SLC12A7: variants seen among roughly 807,000 people sequenced by gnomAD.
SLC12A7 encodes the protein K-Cl cotransporter 4.
In SLC12A7, 100 loss-of-function variants were observed where a neutral mutation model predicts 120.6. The ratio of observed to expected loss-of-function variants is 0.83; its 90% CI spans 0.71 to 0.98. SLC12A7 has a LOEUF of 0.98. SLC12A7 is among the 50% of genes least tolerant of loss of function. The pLI, the probability that SLC12A7 is intolerant of heterozygous loss-of-function variation, is 0.00. For synonymous variants in SLC12A7, 760 were observed against 678.0 expected, an observed-to-expected ratio of 1.12 and a Z score of -1.88; for missense variants, 1,373 against 1,548.1, an observed-to-expected ratio of 0.89 and a Z score of 1.90.
rs553360051 is a variant in SLC12A7 at position 1,052,366 on chromosome 5, G to A, written c.3246C>T (p.Tyr1082=). 2 of 1,612,464 alleles carry A rather than the reference G, an allele frequency of 1.2e-6. No homozygotes were observed. Among genetic ancestry groups the A allele is most frequent in the East Asian group, 2.2e-5 (1 of 44,874 alleles). The change falls in exon 24 of 24, where the codon TAC becomes TAT. Residue 1082 remains tyrosine (Y), a synonymous_variant. Transcript: ENST00000264930. ...RGGGREVITI[Y]S is the part of the protein sequence containing the mutation. ...GCCGTGATGCTGTTGGGCATTAGGAGTAGATGGTGATCACCTCCCGGCCGC... is the reference window on the plus strand; with the variant it reads ...GCCGTGATGCTGTTGGGCATTAGGAATAGATGGTGATCACCTCCCGGCCGC...
At chr5:1,073,922 A>C in intron 16 of SLC12A7, 121 bp from the exon 17 acceptor site, 2 of 979,538 alleles carry the variant, frequency 2.0e-6, no homozygotes, top group African/African-American at 1.7e-5. Flanking sequence ...GATACATGAC[A>C]GGCGGGACAG....
rs375730360 is a variant in SLC12A7 at position 1,090,626 on chromosome 5, C to A, written c.343-1498G>T. On this transcript the variant is annotated intron_variant, in intron 3 of 23. Coordinates refer to ENST00000264930, the MANE Select transcript of SLC12A7 (RefSeq NM_006598.3). ...GACAATTGTTGCTGTGACTTCCCAG[C>A]GAGGCTTCAGCTAACGCAGGAGCCG... is the stretch of plus-strand genomic sequence containing the variant. 1.1e-3 allele frequency among the ~76,000 whole-genome samples: 165 copies of A among 152,284 alleles called. 1 individual carries two copies. In the East Asian group the frequency reaches 0.011, roughly 10 times the overall value.
the SLC12A7 span, among the ~76,000 whole-genome samples, chr5:1,151,510 G>GC: frequency 6.6e-6 from 1 of 152,006 alleles, no homozygotes; most frequent in Non-Finnish European, 1.5e-5. This position sits in a 1 kb window ranked among gnomAD's most constrained non-coding sequence, Gnocchi z 6.2. Context: ...GGCTCTGATG[G>GC]CCCCACCAGC....
chr5:1,053,297 A>C lies in SLC12A7; in HGVS notation c.3160+52T>G, dbSNP rs1161197694. 4 of 1,583,602 alleles carry C rather than the reference A, an allele frequency of 2.5e-6. No individual in the cohort carries two copies. The East Asian group carries it at 9.0e-5, about 35-fold the overall frequency. On this transcript the variant is annotated intron_variant, in intron 23 of 23. Coordinates refer to ENST00000264930, the MANE Select transcript of SLC12A7 (RefSeq NM_006598.3). The stretch of plus-strand genomic sequence containing the variant: ...CCCACAAACCCAGGTCTTAGCGAGA[A>C]GCCACCAGGGGGTGCCCGCACGCTC...
At chr5:1,095,515 G>A (rs1193316993) in intron 1 of SLC12A7, among the ~76,000 whole-genome samples, 11 of 152,314 alleles carry the variant, frequency 7.2e-5, no homozygotes, top group Admixed American at 4.6e-4. Context: ...CGACCAAGCC[G>A]GGACCCTTCC....
At chr5:1,081,793 G>C in intron 8 of SLC12A7, 49 bp from the exon 9 acceptor site, 1 of 1,565,984 alleles carries the variant, frequency 6.4e-7, no homozygotes, top group Non-Finnish European at 8.7e-7. Context: ...TCTGTGCAGT[G>C]CCCCCGCCAT....
chr5:1,087,615 G>A lies in SLC12A7; in HGVS notation c.545-582C>T, dbSNP rs116116081. Among the ~76,000 whole-genome samples, 778 of 152,300 alleles carry A rather than the reference G, an allele frequency of 5.1e-3. 6 individuals carry two copies. Among genetic ancestry groups the A allele is most frequent in the East Asian group, 0.027 (138 of 5,168 alleles). On this transcript the variant is annotated intron_variant, in intron 5 of 23. Transcript: ENST00000264930. ...AGGGAGACCCCTGGTGAAGGCCCTC[G>A]TGCTCTCCTGAGGCCGGGGAAGTCC... is the stretch of plus-strand genomic sequence containing the variant.
Position 1,075,625 on chromosome 5 carries a change from C to G in SLC12A7, c.1848-135G>C. On this transcript the variant is annotated intron_variant, in intron 14 of 23. Transcript: ENST00000264930. ...TAGGAAAACAGTCACTGACGCCTGACGACCATGGCTGTACTCAACCACCTC... is the reference window on the plus strand; with the variant it reads ...TAGGAAAACAGTCACTGACGCCTGAGGACCATGGCTGTACTCAACCACCTC... 6.0e-6 allele frequency: 8 copies of G among 1,340,168 alleles called. No homozygotes were observed. The South Asian group carries it at 1.2e-4, about 20-fold the overall frequency. 83.0% of individuals were successfully genotyped at this position (1,340,168 alleles called of 1,614,324 possible). A position where few individuals can be genotyped will look rare whatever the true frequency, so the allele number is the denominator to read the frequency against.
At chr5:1,089,232 G>C (rs898529664) in intron 3 of SLC12A7, 104 bp from the exon 4 acceptor site, 1 of 1,163,420 alleles carries the variant, frequency 8.6e-7, no homozygotes, top group Non-Finnish European at 1.2e-6. Context: ...CGGCCGTGGG[G>C]GCAGGAGGGG....
intron 10 of SLC12A7, 108 bp downstream of exon 10, chr5:1,079,289 TG>T: frequency 1.2e-6 from 1 of 833,996 alleles, no homozygotes. Flanking sequence ...CAGCCTAACC[TG>T]GGAAGTCACA....
chr5:1,089,146 G>T lies in SLC12A7; in HGVS notation c.343-18C>A, dbSNP rs532757857. 1.2e-6 allele frequency: 2 copies of T among 1,610,756 alleles called. No individual in the cohort carries two copies. Among genetic ancestry groups the T allele is most frequent in the Non-Finnish European group, 1.7e-6 (2 of 1,179,472 alleles). ...CGCGGAGCCTGCGACAGAGCATAGC[G>T]TGTCCCAGGGGCTCGTACCCCACAC... On this transcript the variant is annotated intron_variant, in intron 3 of 23. Transcript: ENST00000264930.
At chr5:1,144,956 T>G in the SLC12A7 span, among the ~76,000 whole-genome samples, 2 of 152,242 alleles carry the variant, frequency 1.3e-5, no homozygotes, top group African/African-American at 4.8e-5. Flanking sequence ...TGAAGTTTAC[T>G]GCATCCGAGG....
the SLC12A7 span, among the ~76,000 whole-genome samples, chr5:1,121,089 C>T: frequency 6.6e-6 from 1 of 152,232 alleles, no homozygotes; most frequent in Admixed American, 6.5e-5. Flanking sequence ...AACCCTCCTG[C>T]TGCCCGCCAC....
intron 8 of SLC12A7, among the ~76,000 whole-genome samples, chr5:1,082,665 T>C (rs1427184449): frequency 1.5e-5 from 2 of 134,596 alleles, no homozygotes; most frequent in Admixed American, 7.3e-5. Context: ...CTGGAAAGCC[T>C]GGGCTTCCTC....
chr5:1,079,124 C>T lies in SLC12A7; in HGVS notation c.1396+274G>A, dbSNP rs551131527. 9.2e-5 allele frequency among the ~76,000 whole-genome samples: 14 copies of T among 152,214 alleles called. No individual in the cohort carries two copies. In the East Asian group the frequency reaches 2.1e-3, roughly 23 times the overall value. ...AGGCCCCGCGGGCCCAGCCTGCCGG[C>T]GGCACACCCCACACACCGCTGCGCA... On this transcript the variant is annotated intron_variant, in intron 10 of 23. Coordinates refer to ENST00000264930, the MANE Select transcript of SLC12A7 (RefSeq NM_006598.3).
the SLC12A7 span, among the ~76,000 whole-genome samples, chr5:1,144,177 G>T: frequency 2.0e-5 from 3 of 152,142 alleles, no homozygotes; most frequent in Non-Finnish European, 4.4e-5. Context: ...TCAGGGAGGG[G>T]ACCTGGACGC....
At chr5:1,081,187 G>A (rs1693785934) in intron 9 of SLC12A7, among the ~76,000 whole-genome samples, 1 of 152,162 alleles carries the variant, frequency 6.6e-6, no homozygotes, top group Non-Finnish European at 1.5e-5. Flanking sequence ...AAGGAAGCCA[G>A]GCGTGGTGGC....
chr5:1,054,026 T>TC (rs568305025), intron 22 of SLC12A7, among the ~76,000 whole-genome samples: 4 of 151,756 alleles, frequency 2.6e-5, no homozygotes, highest in East Asian at 3.9e-4. Flanking sequence ...AGGCCCAGAG[T>TC]CCCCCACACC....
intron 13 of SLC12A7, 118 bp from the exon 14 acceptor site, chr5:1,076,354 G>A: frequency 1.6e-6 from 1 of 619,018 alleles, no homozygotes; most frequent in Middle Eastern, 2.8e-4. Flanking sequence ...GTCTCCCCAT[G>A]TCTGTCTCTG....
Sources: allele counts gnomAD v4.1 joint callset (sites outside exome capture counted in the v4.1 genomes callset), GRCh38; gene constraint gnomAD v4.1.1; non-coding constraint Gnocchi (gnomAD v3.1); transcripts MANE v1.5; gene names NCBI Gene and HGNC (gene_info 2026-07-23, HGNC 2026-07-21).